Variants in NHEJ1 observed in about 807,000 individuals in gnomAD.
NHEJ1 encodes the protein non-homologous end joining factor 1.
In NHEJ1, 22 loss-of-function variants were observed where a neutral mutation model predicts 39.4. That is an observed-to-expected ratio of 0.56 (90% CI 0.40 to 0.80). The LOEUF (loss-of-function observed/expected upper bound fraction) is 0.80, where lower values mean the gene tolerates loss of function less well. NHEJ1 is among the 30% of genes least tolerant of loss of function. The pLI is 0.00. For synonymous variants in NHEJ1, 154 were observed against 135.6 expected, an observed-to-expected ratio of 1.14 and a Z score of -0.94; for missense variants, 329 against 357.1, an observed-to-expected ratio of 0.92 and a Z score of 0.63.
chr2:219,159,590 T>TATATATATATGCATATATATATATGC lies in NHEJ1; in HGVS notation c.-1+1129_-1+1130insGCATATATATATATGCATATATATAT, dbSNP rs1949906969. On this transcript the variant is annotated intron_variant, in intron 1 of 7. Transcript: ENST00000356853. ...ATATATATATGCATATATATATGCA[T>TATATATATATGCATATATATATATGC]ATATATATATGCATATATATACATA... Among the ~76,000 whole-genome samples, 2 of 102,204 alleles carry TATATATATATGCATATATATATATGC rather than the reference T, an allele frequency of 2.0e-5. 1 individual carries two copies. The highest frequency in any genetic ancestry group is 8.1e-5 in the African/African-American group (2 of 24,562). 67.0% of individuals were successfully genotyped at this position (102,204 alleles called of 152,430 possible).
chr2:219,116,787 C>T (rs16859546), intron 5 of NHEJ1, among the ~76,000 whole-genome samples: 3,588 of 152,286 alleles, frequency 0.024, 152 homozygotes, highest in African/African-American at 0.081. Flanking sequence ...AAAGGATCAG[C>T]TGGTTCCATT....
intron 3 of NHEJ1, among the ~76,000 whole-genome samples, chr2:219,153,596 T>C (rs1273276026): frequency 6.7e-6 from 1 of 150,018 alleles, no homozygotes; most frequent in Non-Finnish European, 1.5e-5. Context: ...TTCCAACTCT[T>C]TGGGAAGCCA....
At chr2:219,095,388 G>C in intron 5 of NHEJ1, 1 of 468,668 alleles carries the variant, frequency 2.1e-6, no homozygotes, top group Non-Finnish European at 4.4e-6. Flanking sequence ...GTTAGTAGTA[G>C]TCCTGACTGT....
intron 5 of NHEJ1, among the ~76,000 whole-genome samples, chr2:219,114,944 G>A (rs1412430431): frequency 2.0e-5 from 3 of 152,144 alleles, no homozygotes; most frequent in East Asian, 1.9e-4. Flanking sequence ...AAGGGAAAAC[G>A]CTGTTAAAAC....
chr2:219,137,583 AAAAAAAAAAC>A lies in NHEJ1; in HGVS notation c.588+9087_588+9096del, dbSNP rs1204923492. ...ATGTGTTACAGGCAAAAAAAAAAAA[AAAAAAAAAAC>A]AAAAAAAACTGAAAACCACCTTCAG... On this transcript the variant is annotated intron_variant, in intron 5 of 7. Transcript: ENST00000356853. 1.2e-4 allele frequency among the ~76,000 whole-genome samples: 17 copies of A among 141,062 alleles called. No homozygotes were observed. The East Asian group carries it at 1.4e-3, about 11-fold the overall frequency. The allele number at this position is 141,062 out of a possible 152,430, so 92.5% of individuals were successfully genotyped here.
Position 219,155,549 on chromosome 2 carries a change from T to C in NHEJ1, c.390+1923A>G, listed in dbSNP as rs370308515. On this transcript the variant is annotated intron_variant, in intron 3 of 7. Transcript: ENST00000356853. ...AAATGTGAGTATATGCTAAGTACTG[T>C]TGATAGACCTTAGAAGTTAATAAAT... Among the ~76,000 whole-genome samples the C allele has an allele frequency of 3.6e-4, 55 of 152,310 alleles. 1 individual carries two copies. In the South Asian group the frequency reaches 7.0e-3, roughly 20 times the overall value.
At chr2:219,134,808 G>A (rs1053790317) in intron 5 of NHEJ1, among the ~76,000 whole-genome samples, 1 of 152,078 alleles carries the variant, frequency 6.6e-6, no homozygotes, top group Non-Finnish European at 1.5e-5. Context: ...GGGAGGCTGA[G>A]GTAGGTGGAT....
intron 5 of NHEJ1, among the ~76,000 whole-genome samples, chr2:219,123,693 C>T (rs775046678): frequency 9.9e-5 from 15 of 151,910 alleles, no homozygotes; most frequent in Admixed American, 2.0e-4. Flanking sequence ...TAGAAAAGTG[C>T]GTCTTTACTC....
At chr2:219,082,225 T>G (rs544485969) in intron 5 of NHEJ1, among the ~76,000 whole-genome samples, 2 of 152,362 alleles carry the variant, frequency 1.3e-5, no homozygotes, top group East Asian at 3.9e-4. Flanking sequence ...TCCAATGCAC[T>G]GGGACTTTGG....
chr2:219,087,715 G>A (rs1273006484), intron 5 of NHEJ1, among the ~76,000 whole-genome samples: 3 of 152,124 alleles, frequency 2.0e-5, no homozygotes, highest in Non-Finnish European at 4.4e-5. Flanking sequence ...TGACCTTGAG[G>A]AGGTAAAGAT....
intron 5 of NHEJ1, among the ~76,000 whole-genome samples, chr2:219,108,020 G>C (rs1360622621): frequency 6.6e-6 from 1 of 151,866 alleles, no homozygotes; most frequent in Non-Finnish European, 1.5e-5. Context: ...CGCCATGACT[G>C]CTATTTATAG....
chr2:219,159,106 G>C (rs1232260692), intron 1 of NHEJ1: 1 of 152,840 alleles, frequency 6.5e-6, no homozygotes, highest in Non-Finnish European at 1.5e-5. Flanking sequence ...AGAATGACTA[G>C]GAAATCATGA....
intron 5 of NHEJ1, among the ~76,000 whole-genome samples, chr2:219,144,753 C>A (rs1427990382): frequency 6.6e-6 from 1 of 152,004 alleles, no homozygotes; most frequent in Non-Finnish European, 1.5e-5. Flanking sequence ...TAAGAACAAG[C>A]CTTGCATTGT....
Position 219,076,156 on chromosome 2 carries a change from C to A in NHEJ1, c.*225G>T, listed in dbSNP as rs763919324. The A allele has an allele frequency of 2.0e-6, 2 of 976,516 alleles. No homozygotes were observed. Among genetic ancestry groups the A allele is most frequent in the Non-Finnish European group, 2.9e-6 (2 of 679,152 alleles). The allele number at this position is 976,516 out of a possible 1,614,324, so 60.5% of individuals were successfully genotyped here. A position where few individuals can be genotyped will look rare whatever the true frequency, so the allele number is the denominator to read the frequency against. On this transcript the variant is annotated 3_prime_UTR_variant, in exon 8 of 8. Transcript: ENST00000356853. ...GAAACCTGAACCTACAGAACCTCCA[C>A]CAAAAGAGAGGAGAGCACGGGATTC...
chr2:219,148,171 A>G (rs1197075883), intron 3 of NHEJ1, among the ~76,000 whole-genome samples: 1 of 152,222 alleles, frequency 6.6e-6, no homozygotes, highest in African/African-American at 2.4e-5. Context: ...AGGCACAAGA[A>G]TTGTTTGAAC....
intron 5 of NHEJ1, among the ~76,000 whole-genome samples, chr2:219,082,599 T>C (rs993562541): frequency 2.0e-5 from 3 of 152,218 alleles, no homozygotes; most frequent in South Asian, 2.1e-4. Context: ...CCTATAAATA[T>C]GGACCCACAG....
intron 3 of NHEJ1, among the ~76,000 whole-genome samples, chr2:219,148,581 CA>C (rs1949764711): frequency 6.6e-6 from 1 of 152,028 alleles, no homozygotes; most frequent in African/African-American, 2.4e-5. Flanking sequence ...AGAAAACAAA[CA>C]AACAAATGAG....
intron 1 of NHEJ1, among the ~76,000 whole-genome samples, chr2:219,160,350 G>A (rs1574753249): frequency 2.0e-5 from 3 of 152,130 alleles, no homozygotes; most frequent in Admixed American, 2.0e-4. Flanking sequence ...CCCACCCCAG[G>A]AGCCGCCAGG....
chr2:219,101,909 G>A (rs535233115), intron 5 of NHEJ1, among the ~76,000 whole-genome samples: 70 of 150,940 alleles, frequency 4.6e-4, no homozygotes, highest in African/African-American at 1.6e-3. Flanking sequence ...GTATTTTAGC[G>A]GAGATGGCGT....
Sources: gnomAD v4.1 joint callset for allele counts (sites outside exome capture counted in the v4.1 genomes callset) on GRCh38, gnomAD v4.1.1 for gene constraint, MANE v1.5 for transcripts, NCBI Gene and HGNC (gene_info 2026-07-23, HGNC 2026-07-21) for gene names.